The following OGDHL variants were observed in gnomAD, a reference collection of about 807,000 sequenced individuals.
OGDHL encodes 2-oxoglutarate dehydrogenase-like, mitochondrial.
Under a neutral mutation model 109.6 loss-of-function variants are expected in OGDHL, and 79 were observed. That is an observed-to-expected ratio of 0.72 (90% CI 0.60 to 0.87). The LOEUF is 0.87. Among genes scored for constraint, OGDHL ranks in the 40% least tolerant of loss-of-function variants. OGDHL has a pLI of 0.00. For missense variants in OGDHL, 1,275 were observed against 1,362.2 expected (o/e 0.94, Z 1.01); for synonymous variants, 528 against 537.2 (o/e 0.98, Z 0.24).
chr10:49,738,318 G>A (rs1841375274), intron 17 of OGDHL, 56 bp from the exon 18 acceptor site: 5 of 1,586,738 alleles, frequency 3.2e-6, no homozygotes, highest in Admixed American at 1.7e-5. Flanking sequence ...AAGACATCTG[G>A]CCCTGCAGGG....
intron 16 of OGDHL, 144 bp from the exon 17 acceptor site, chr10:49,739,983 T>C: frequency 1.3e-6 from 1 of 798,392 alleles, no homozygotes; most frequent in Non-Finnish European, 1.9e-6. Context: ...TTCCCTGGGA[T>C]TCAAAGGGTA....
intron 20 of OGDHL, among the ~76,000 whole-genome samples, chr10:49,737,434 G>A (rs149192132): frequency 1.3e-5 from 2 of 152,342 alleles, no homozygotes; most frequent in East Asian, 3.9e-4. Flanking sequence ...CAGGACCCCA[G>A]GGCCTGTAAT....
chr10:49,747,129 G>A lies in OGDHL; in HGVS notation c.1067C>T (p.Ser356Leu), dbSNP rs148413282. ...CAGGTGGGAGGGGTTGGCAACCAGCGACAGAGTGATGTTCCGGTTGGTGAC... is the reference window on the plus strand; with the variant it reads ...CAGGTGGGAGGGGTTGGCAACCAGCAACAGAGTGATGTTCCGGTTGGTGAC... ...NRVTNRNITL[S>L]LVANPSHLEA... The change falls in exon 9 of 23, where the codon TCG becomes TTG. Residue 356 changes from serine to leucine, a missense_variant. Ser to Leu is a moderately radical substitution (Grantham distance 145). Coordinates refer to ENST00000374103, the MANE Select transcript of OGDHL (RefSeq NM_018245.3). 22 of 1,614,036 alleles carry A rather than the reference G, an allele frequency of 1.4e-5. No homozygotes were observed. Among genetic ancestry groups the A allele is most frequent in the East Asian group, 2.2e-5 (1 of 44,896 alleles).
intron 15 of OGDHL, among the ~76,000 whole-genome samples, chr10:49,741,432 G>A (rs541349404): frequency 5.3e-5 from 8 of 152,220 alleles, no homozygotes; most frequent in African/African-American, 1.7e-4. Flanking sequence ...TAAGCAACCA[G>A]GAATGAGAAA....
chr10:49,740,642 C>T, intron 16 of OGDHL, 68 bp downstream of exon 16: 1 of 1,564,606 alleles, frequency 6.4e-7, no homozygotes, highest in South Asian at 1.2e-5. Flanking sequence ...GCCCCGGTCC[C>T]TTCCCAGCCC....
chr10:49,762,090 C>T, intron 1 of OGDHL, 149 bp downstream of exon 1: 1 of 153,766 alleles, frequency 6.5e-6, no homozygotes, highest in Non-Finnish European at 1.4e-5. Context: ...CAGTCTGTTC[C>T]TCCTCCCCCT....
rs1225633580 is a variant in OGDHL at position 49,746,863 on chromosome 10, C to T, written c.1183G>A (p.Val395Ile). The change falls in exon 10 of 23, where the codon GTT becomes ATT. Residue 395 changes from valine to isoleucine, a missense_variant. Coordinates refer to ENST00000374103, the MANE Select transcript of OGDHL (RefSeq NM_018245.3). ...CCAGCAAAGGCGGCGTCCCCATGAA[C>T]CAGGATGGACATGACCTGCAGGGCA... is the stretch of plus-strand genomic sequence containing the variant. ...AQGKKVMSIL[V>I]HGDAAFAGQG... The T allele has an allele frequency of 1.9e-6, 3 of 1,614,056 alleles. No individual in the cohort carries two copies. The highest frequency in any genetic ancestry group is 2.5e-6 in the Non-Finnish European group (3 of 1,180,030).
At chr10:49,743,107 C>T in intron 14 of OGDHL, 129 bp from the exon 15 acceptor site, 1 of 1,238,688 alleles carries the variant, frequency 8.1e-7, no homozygotes, top group South Asian at 1.5e-5. Flanking sequence ...GGCAGGGATG[C>T]TGCAGGAGGG....
chr10:49,756,932 G>A lies in OGDHL; in HGVS notation c.219C>T (p.Phe73=), dbSNP rs1458800789. 3 of 1,613,444 alleles carry A rather than the reference G, an allele frequency of 1.9e-6. No homozygotes were observed. The highest frequency in any genetic ancestry group is 2.5e-6 in the Non-Finnish European group (3 of 1,179,800). ...AGGCTTCCTCGCTGGCTTCCCTGAA[G>A]AAGCTGTCCCAGGACTAGGCAGGGC... ...PQSVHKSWDS[F]FREASEEAFS... Residue 73 remains phenylalanine, a synonymous_variant, in exon 3 of 23, where the codon TTC becomes TTT. Transcript: ENST00000374103.
chr10:49,753,965 ATTG>A (rs1324187039), intron 3 of OGDHL, among the ~76,000 whole-genome samples: 4 of 151,882 alleles, frequency 2.6e-5, no homozygotes, highest in African/African-American at 7.3e-5. Context: ...CAAACAAGCC[ATTG>A]TACTGGCATC....
intron 1 of OGDHL, among the ~76,000 whole-genome samples, chr10:49,760,133 GGGGC>G (rs1843180820): frequency 6.6e-6 from 1 of 152,240 alleles, no homozygotes; most frequent in Non-Finnish European, 1.5e-5. Context: ...ACAGGCTCCT[GGGGC>G]AACCAGCAGC....
At chr10:49,760,914 G>A (rs1193053937) in intron 1 of OGDHL, among the ~76,000 whole-genome samples, 1 of 152,248 alleles carries the variant, frequency 6.6e-6, no homozygotes, top group Non-Finnish European at 1.5e-5. Context: ...GGGCAGTTTG[G>A]GCCAGATAGG....
At chr10:49,737,032 C>G (rs1294253365) in intron 20 of OGDHL, among the ~76,000 whole-genome samples, 1 of 152,164 alleles carries the variant, frequency 6.6e-6, no homozygotes, top group African/African-American at 2.4e-5. Context: ...CACTGCAAAA[C>G]CTCTCAGGAA....
intron 15 of OGDHL, 25 bp from the exon 16 acceptor site, chr10:49,740,862 G>A: frequency 1.2e-6 from 2 of 1,613,112 alleles, no homozygotes; most frequent in Non-Finnish European, 1.7e-6. Context: ...ACCGGGGCAG[G>A]GACAGAGGGC....
chr10:49,744,677 T>C lies in OGDHL; in HGVS notation c.1705A>G (p.Lys569Glu), dbSNP rs1842045887. The change falls in exon 13 of 23, where the codon AAG (lysine) becomes GAG (glutamate). Residue 569 changes from lysine to glutamate, a missense_variant. Coordinates refer to ENST00000374103, the MANE Select transcript of OGDHL (RefSeq NM_018245.3). ...RSKDKKILHI[K>E]HWLDSPWPGF... The stretch of plus-strand genomic sequence containing the variant: ...GGCCAGGGGGAGTCCAACCAGTGCT[T>C]TATATGCAGAATCTTTTTATCCTTG... 6.2e-7 allele frequency: 1 copy of C among 1,613,986 alleles called. No individual in the cohort carries two copies. The highest frequency in any genetic ancestry group is 1.7e-5 in the Admixed American group (1 of 59,998).
intron 14 of OGDHL, 120 bp downstream of exon 14, chr10:49,743,874 A>G: frequency 1.6e-6 from 2 of 1,287,008 alleles, no homozygotes; most frequent in Non-Finnish European, 2.1e-6. Flanking sequence ...ACGTGGACCC[A>G]CTACAGACTG....
At position 49,746,814 on chromosome 10, in the gene OGDHL, A is replaced by G; in HGVS notation, c.1232T>C (p.Phe411Ser). The G allele has an allele frequency of 6.2e-7, 1 of 1,614,042 alleles. No homozygotes were observed. The highest frequency in any genetic ancestry group is 8.5e-7 in the Non-Finnish European group (1 of 1,179,998). ...GTAGGAGGGCAGGTCGCTCAGGTGG[A>G]AGGTCTCATATACCACGCCCTGGCC... ...FAGQGVVYET[F>S]HLSDLPSYTT... is the part of the protein sequence containing the mutation. Residue 411 changes from phenylalanine (F) to serine (S), a missense_variant, in exon 10 of 23, where the codon TTC (phenylalanine) becomes TCC (serine). Transcript: ENST00000374103.
At chr10:49,742,687 C>A (rs1375502652) in intron 15 of OGDHL, 141 bp downstream of exon 15, 2 of 1,106,424 alleles carry the variant, frequency 1.8e-6, no homozygotes, top group Non-Finnish European at 2.5e-6. Flanking sequence ...GCGAGGTGGC[C>A]ATCTGATGAT....
intron 19 of OGDHL, 23 bp from the exon 20 acceptor site, chr10:49,737,881 G>C (rs775649279): frequency 2.5e-6 from 4 of 1,614,182 alleles, no homozygotes; most frequent in Non-Finnish European, 2.5e-6. Context: ...TACACGCCCA[G>C]CTGCCAGCTG....
Sources: allele counts gnomAD v4.1 joint callset (sites outside exome capture counted in the v4.1 genomes callset), GRCh38; gene constraint gnomAD v4.1.1; transcripts MANE v1.5; gene names NCBI Gene and HGNC (gene_info 2026-07-23, HGNC 2026-07-21).